ANKRD30B: variants seen among roughly 807,000 people sequenced by gnomAD.
The protein encoded by ANKRD30B is ankyrin repeat domain-containing protein 30B.
In ANKRD30B, 144 loss-of-function variants were observed where a neutral mutation model predicts 202.2. That is an observed-to-expected ratio of 0.71 (90% CI 0.62 to 0.82). The LOEUF (loss-of-function observed/expected upper bound fraction) is 0.82. Among genes scored for constraint, ANKRD30B ranks in the 40% least tolerant of loss-of-function variants. The pLI is 0.00. For synonymous variants in ANKRD30B, 508 were observed against 561.3 expected, an observed-to-expected ratio of 0.91 and a Z score of 1.34; for missense variants, 1,487 against 1,669.1, an observed-to-expected ratio of 0.89 and a Z score of 1.90.
the ANKRD30B span, among the ~76,000 whole-genome samples, chr18:14,927,730 T>A: frequency 6.6e-6 from 1 of 152,192 alleles, no homozygotes; most frequent in Non-Finnish European, 1.5e-5. Context: ...CTCTAACAAT[T>A]CTAAACCTTG....
intron 16 of ANKRD30B, among the ~76,000 whole-genome samples, chr18:14,793,947 G>A (rs543989695): frequency 6.6e-6 from 1 of 151,448 alleles, no homozygotes; most frequent in South Asian, 2.1e-4. Context: ...CATTTAATTA[G>A]ACTCTCTTCA....
intron 12 of ANKRD30B, among the ~76,000 whole-genome samples, chr18:14,783,652 TTA>T (rs1388336757): frequency 2.6e-5 from 4 of 152,102 alleles, no homozygotes; most frequent in African/African-American, 7.2e-5. Context: ...AAAAAGTTAT[TTA>T]TGTTTAATAC....
rs558524125 is a variant in ANKRD30B at position 14,829,343 on chromosome 18, A to C, written c.2774+1035A>C. ...TAAGAGGTAGCAGAAGTAATATTTAAACTCATTTCAAAGCCCATTACTCTT... is the reference window on the plus strand; with the variant it reads ...TAAGAGGTAGCAGAAGTAATATTTACACTCATTTCAAAGCCCATTACTCTT... On this transcript the variant is annotated intron_variant, in intron 33 of 43. Coordinates refer to ENST00000690538, the MANE Select transcript of ANKRD30B (RefSeq NM_001367607.2). Among the ~76,000 whole-genome samples the C allele has an allele frequency of 2.0e-5, 3 of 152,326 alleles. No individual in the cohort carries two copies. The South Asian group carries it at 6.2e-4, about 32-fold the overall frequency.
chr18:14,784,696 G>C (rs937595338), intron 14 of ANKRD30B, among the ~76,000 whole-genome samples, 161 bp downstream of exon 14: 2 of 151,806 alleles, frequency 1.3e-5, no homozygotes, highest in South Asian at 4.1e-4. Flanking sequence ...GATATTACAA[G>C]AACAGTAATT....
At chr18:14,936,674 G>C in the ANKRD30B span, among the ~76,000 whole-genome samples, 1 of 152,212 alleles carries the variant, frequency 6.6e-6, no homozygotes, top group East Asian at 1.9e-4. Flanking sequence ...CAACCTCTCT[G>C]TGTGAGTAGC....
Position 14,756,930 on chromosome 18 carries a change from T to G in ANKRD30B, c.618-885T>G, listed in dbSNP as rs112579212. 7.0e-4 allele frequency among the ~76,000 whole-genome samples: 106 copies of G among 152,276 alleles called. 2 individuals carry two copies. The highest frequency in any genetic ancestry group is 2.5e-3 in the African/African-American group (102 of 41,568). On this transcript the variant is annotated intron_variant, in intron 4 of 43. Coordinates refer to ENST00000690538, the MANE Select transcript of ANKRD30B (RefSeq NM_001367607.2). ...AGCAATATTAAATAGAAACAGGAGT[T>G]TAAAACCATTTTGTCTTTAGGACGA...
At chr18:14,875,860 GCGTTTCTTC>G in the ANKRD30B span, among the ~76,000 whole-genome samples, 3 of 152,130 alleles carry the variant, frequency 2.0e-5, no homozygotes, top group Non-Finnish European at 4.4e-5. Context: ...CTCTGAAAGT[GCGTTTCTTC>G]ATCTGGGCAA....
the ANKRD30B span, among the ~76,000 whole-genome samples, chr18:14,927,687 G>A: frequency 6.6e-6 from 1 of 152,198 alleles, no homozygotes; most frequent in Non-Finnish European, 1.5e-5. Context: ...TTGCTGTCAA[G>A]AAGCAATTCC....
At chr18:14,760,520 A>G in intron 5 of ANKRD30B, 34 bp from the exon 6 acceptor site, 4 of 1,172,116 alleles carry the variant, frequency 3.4e-6, no homozygotes, top group Non-Finnish European at 4.8e-6. Context: ...TCTTGTTAAA[A>G]TAGTAATTTT....
At chr18:14,844,524 A>C (rs1388634258) in intron 39 of ANKRD30B, among the ~76,000 whole-genome samples, 1 of 152,248 alleles carries the variant, frequency 6.6e-6, no homozygotes, top group African/African-American at 2.4e-5. Flanking sequence ...TGCTATTGTA[A>C]ATAGTGCCAC....
the ANKRD30B span, among the ~76,000 whole-genome samples, chr18:14,870,171 C>G: frequency 2.6e-5 from 4 of 152,322 alleles, no homozygotes; most frequent in Admixed American, 1.3e-4. Flanking sequence ...CTCTGTTGAC[C>G]AGGTTGAAGT....
chr18:14,817,285 T>A (rs1195229987), intron 30 of ANKRD30B, among the ~76,000 whole-genome samples: 3 of 152,188 alleles, frequency 2.0e-5, no homozygotes, highest in Non-Finnish European at 4.4e-5. Flanking sequence ...TCAATAGCCA[T>A]TACAAATGTG....
At chr18:14,939,836 G>A in the ANKRD30B span, among the ~76,000 whole-genome samples, 2 of 152,254 alleles carry the variant, frequency 1.3e-5, no homozygotes, top group African/African-American at 4.8e-5. Flanking sequence ...GGCATAGCAC[G>A]TGGAGGGACT....
intron 24 of ANKRD30B, among the ~76,000 whole-genome samples, chr18:14,805,205 A>G (rs1248723307): frequency 6.6e-6 from 1 of 151,058 alleles, no homozygotes; most frequent in East Asian, 1.9e-4. Flanking sequence ...TTAGCGAATA[A>G]CATGATATAC....
intron 14 of ANKRD30B, among the ~76,000 whole-genome samples, chr18:14,784,948 G>A (rs1276584819): frequency 1.3e-5 from 2 of 151,906 alleles, no homozygotes; most frequent in East Asian, 3.9e-4. Context: ...CTCATTTCCG[G>A]TGTTGTCACT....
chr18:14,795,015 T>A (rs1327971104), intron 16 of ANKRD30B, among the ~76,000 whole-genome samples: 1 of 152,348 alleles, frequency 6.6e-6, no homozygotes, highest in South Asian at 2.1e-4. Flanking sequence ...AACAGTGGCT[T>A]AACAACTCAC....
At chr18:14,772,381 A>T in intron 9 of ANKRD30B, among the ~76,000 whole-genome samples, 153 bp downstream of exon 9, 1 of 98,796 alleles carries the variant, frequency 1.0e-5, no homozygotes, top group Admixed American at 9.0e-5. Context: ...GTTGATTTAA[A>T]CAGTTTTTTT....
the ANKRD30B span, among the ~76,000 whole-genome samples, chr18:14,872,903 G>A: frequency 6.6e-6 from 1 of 152,098 alleles, no homozygotes; most frequent in African/African-American, 2.4e-5. Flanking sequence ...CAGGCACCAC[G>A]CAGCCTTGCC....
At chr18:14,938,127 G>A in the ANKRD30B span, among the ~76,000 whole-genome samples, 1 of 152,144 alleles carries the variant, frequency 6.6e-6, no homozygotes, top group Non-Finnish European at 1.5e-5. Context: ...AACTTAGGAG[G>A]AAATGCATAA....
Sources: gnomAD v4.1 joint callset for allele counts (sites outside exome capture counted in the v4.1 genomes callset) on GRCh38, gnomAD v4.1.1 for gene constraint, MANE v1.5 for transcripts, NCBI Gene and HGNC (gene_info 2026-07-23, HGNC 2026-07-21) for gene names.